NEGR1: variants seen among roughly 807,000 people sequenced by gnomAD.
The protein encoded by NEGR1 is neuronal growth regulator 1.
In NEGR1, 10 loss-of-function variants were observed where a neutral mutation model predicts 40.9. The ratio of observed to expected loss-of-function variants is 0.24; its 90% CI spans 0.15 to 0.42. The LOEUF (loss-of-function observed/expected upper bound fraction) is 0.42, where lower values mean the gene tolerates loss of function less well. Among genes scored for constraint, NEGR1 ranks in the 10% least tolerant of loss-of-function variants. NEGR1 has a pLI of 1.00. For synonymous variants in NEGR1, 185 were observed against 166.8 expected (o/e 1.11, Z -0.84); for missense variants, 352 against 438.9 (o/e 0.80, Z 1.77).
intron 3 of NEGR1, among the ~76,000 whole-genome samples, chr1:71,727,979 T>C (rs950562432): frequency 5.9e-5 from 9 of 152,104 alleles, no homozygotes; most frequent in African/African-American, 2.2e-4. Context: ...GCAACAAAGT[T>C]TGGCATAACA....
chr1:71,501,220 C>T (rs893306568), intron 6 of NEGR1, among the ~76,000 whole-genome samples: 6 of 151,998 alleles, frequency 3.9e-5, no homozygotes, highest in Admixed American at 3.9e-4. Context: ...CTGATAAAGA[C>T]ATAGCTTTTT....
intron 4 of NEGR1, among the ~76,000 whole-genome samples, chr1:71,682,230 A>T (rs1239290167): frequency 1.3e-5 from 2 of 151,822 alleles, no homozygotes; most frequent in Non-Finnish European, 2.9e-5. Flanking sequence ...AAGCTTTTTA[A>T]TTTTAATTAT....
At chr1:72,160,841 C>T (rs2100373610) in intron 1 of NEGR1, among the ~76,000 whole-genome samples, 1 of 152,224 alleles carries the variant, frequency 6.6e-6, no homozygotes, top group Middle Eastern at 3.4e-3. Context: ...TAGGTTCTGC[C>T]TTCAAGGGCT....
chr1:71,525,972 A>G (rs753222642), intron 6 of NEGR1, among the ~76,000 whole-genome samples: 1 of 151,640 alleles, frequency 6.6e-6, no homozygotes. Flanking sequence ...CATAAGCCAA[A>G]TAGCCTAAAA....
intron 4 of NEGR1, among the ~76,000 whole-genome samples, chr1:71,692,861 T>C (rs1376790967): frequency 6.6e-6 from 1 of 151,854 alleles, no homozygotes; most frequent in Admixed American, 6.6e-5. Context: ...GACTTTCCTA[T>C]TTATTTGATC....
intron 2 of NEGR1, among the ~76,000 whole-genome samples, chr1:71,927,817 CTAAAAAAA>C (rs1557437820): frequency 3.0e-5 from 1 of 33,298 alleles, no homozygotes; most frequent in Non-Finnish European, 4.7e-5. Context: ...GACCCAATCT[CTAAAAAAA>C]AAAAAAAAAA....
intron 1 of NEGR1, among the ~76,000 whole-genome samples, chr1:71,946,251 T>A (rs1646017810): frequency 6.6e-6 from 1 of 152,168 alleles, no homozygotes; most frequent in South Asian, 2.1e-4. Flanking sequence ...TTTATTTTTA[T>A]ATTTTGTAGA....
intron 1 of NEGR1, among the ~76,000 whole-genome samples, chr1:72,097,485 T>C (rs1648746475): frequency 6.6e-6 from 1 of 152,298 alleles, no homozygotes; most frequent in African/African-American, 2.4e-5. Context: ...TTCATAATAT[T>C]ACCCAGGGTC....
intron 1 of NEGR1, among the ~76,000 whole-genome samples, chr1:72,159,078 A>C (rs958933391): frequency 6.6e-6 from 1 of 152,192 alleles, no homozygotes; most frequent in African/African-American, 2.4e-5. Flanking sequence ...TAGATCCTAC[A>C]TATCTACTAA....
At chr1:71,422,215 T>C (rs1646399233) in intron 6 of NEGR1, among the ~76,000 whole-genome samples, 1 of 152,176 alleles carries the variant, frequency 6.6e-6, no homozygotes, top group African/African-American at 2.4e-5. Flanking sequence ...AGAGTGACAG[T>C]AATAAATTTT....
chr1:72,017,196 G>A (rs1646719765), intron 1 of NEGR1, among the ~76,000 whole-genome samples: 1 of 151,304 alleles, frequency 6.6e-6, no homozygotes, highest in African/African-American at 2.4e-5. Flanking sequence ...AACATGAGTA[G>A]ATAAGTAACT....
chr1:71,631,401 G>A (rs1650964099), intron 4 of NEGR1, among the ~76,000 whole-genome samples: 1 of 151,712 alleles, frequency 6.6e-6, no homozygotes, highest in African/African-American at 2.4e-5. Context: ...ATAAAAATAT[G>A]CAGCTTTTTA....
intron 2 of NEGR1, among the ~76,000 whole-genome samples, chr1:71,828,003 T>C (rs1658701019): frequency 6.6e-6 from 1 of 151,886 alleles, no homozygotes; most frequent in Admixed American, 6.6e-5. Flanking sequence ...TTAAAACACA[T>C]CTAAAATCTC....
chr1:71,561,659 C>A (rs549405838), intron 6 of NEGR1, among the ~76,000 whole-genome samples: 3 of 151,588 alleles, frequency 2.0e-5, no homozygotes, highest in Admixed American at 2.0e-4. Context: ...TTTCTCCATA[C>A]GCTTTGGTAT....
chr1:71,438,744 G>A (rs991646948), intron 6 of NEGR1, among the ~76,000 whole-genome samples: 2 of 152,156 alleles, frequency 1.3e-5, no homozygotes, highest in Admixed American at 6.5e-5. Context: ...ACAGACTATC[G>A]AAAGTGAGAT....
Position 71,575,039 on chromosome 1 carries a change from A to T in NEGR1, c.940+17778T>A, listed in dbSNP as rs150636292. Among the ~76,000 whole-genome samples, 54 of 152,298 alleles carry T rather than the reference A, an allele frequency of 3.5e-4. No homozygotes were observed. The East Asian group carries it at 7.9e-3, about 22-fold the overall frequency. On this transcript the variant is annotated intron_variant, in intron 6 of 6. Coordinates refer to ENST00000357731, the MANE Select transcript of NEGR1 (RefSeq NM_173808.3). ...AATGTGATAATTTTCAGGGAAGAAG[A>T]ATAATAGGAGAACGTGGATTGCTCA...
chr1:72,135,019 G>A (rs1160971174), intron 1 of NEGR1, among the ~76,000 whole-genome samples: 1 of 151,198 alleles, frequency 6.6e-6, no homozygotes, highest in Non-Finnish European at 1.5e-5. Context: ...TTACAGGCGT[G>A]AGCCACTGCG....
chr1:72,124,836 G>C (rs938728093), intron 1 of NEGR1, among the ~76,000 whole-genome samples: 1 of 151,960 alleles, frequency 6.6e-6, no homozygotes, highest in African/African-American at 2.4e-5. Context: ...AAAAATATTG[G>C]TAAAATAACT....
At chr1:71,826,435 C>T (rs1018252107) in intron 2 of NEGR1, among the ~76,000 whole-genome samples, 1 of 151,888 alleles carries the variant, frequency 6.6e-6, no homozygotes, top group Non-Finnish European at 1.5e-5. Context: ...ACTCAAGACT[C>T]ATTCTGGCTT....
Sources: allele counts gnomAD v4.1 joint callset (sites outside exome capture counted in the v4.1 genomes callset), GRCh38; gene constraint gnomAD v4.1.1; transcripts MANE v1.5; gene names NCBI Gene and HGNC (gene_info 2026-07-23, HGNC 2026-07-21).